ZNF609: variants seen among roughly 807,000 people sequenced by gnomAD.
The protein encoded by ZNF609 is zinc finger protein 609.
Under a neutral mutation model 109.5 loss-of-function variants are expected in ZNF609, and 11 were observed. That is an observed-to-expected ratio of 0.10 (90% CI 0.06 to 0.17). The LOEUF (loss-of-function observed/expected upper bound fraction) is 0.17. Among genes scored for constraint, ZNF609 ranks in the 10% least tolerant of loss-of-function variants. The pLI, the probability that ZNF609 is intolerant of heterozygous loss-of-function variation, is 1.00. For missense variants in ZNF609, 1,559 were observed against 1,772.4 expected, an observed-to-expected ratio of 0.88 and a Z score of 2.16; for synonymous variants, 646 against 662.0, an observed-to-expected ratio of 0.98 and a Z score of 0.37.
chr15:64,484,072 T>C (rs531195815), intron 1 of ZNF609, among the ~76,000 whole-genome samples: 1 of 149,966 alleles, frequency 6.7e-6, no homozygotes, highest in East Asian at 2.0e-4. Context: ...TTTGTCCTGG[T>C]GACATTGCCT....
chr15:64,681,201 TG>T, intron 8 of ZNF609, 107 bp from the exon 9 acceptor site: 1 of 941,918 alleles, frequency 1.1e-6, no homozygotes, highest in Non-Finnish European at 1.7e-6. Flanking sequence ...CAAATATATC[TG>T]GCTGAGTATC....
At chr15:64,631,742 C>G (rs940172345) in intron 3 of ZNF609, 2 of 225,126 alleles carry the variant, frequency 8.9e-6, no homozygotes, top group African/African-American at 4.8e-5. Flanking sequence ...CGGGGTTTCT[C>G]CATGTTGGTC....
intron 3 of ZNF609, among the ~76,000 whole-genome samples, chr15:64,630,019 T>A (rs1896039406): frequency 6.6e-6 from 1 of 152,060 alleles, no homozygotes; most frequent in East Asian, 1.9e-4. Context: ...TCATCATTTT[T>A]TACCAAAAAT....
At chr15:64,546,623 C>T (rs553618331) in intron 2 of ZNF609, among the ~76,000 whole-genome samples, 1 of 151,806 alleles carries the variant, frequency 6.6e-6, no homozygotes, top group East Asian at 1.9e-4. Flanking sequence ...CAGGTGCATG[C>T]CACTATGCCC....
chr15:64,606,870 G>A (rs1022473758), intron 2 of ZNF609, among the ~76,000 whole-genome samples: 6 of 151,748 alleles, frequency 4.0e-5, no homozygotes, highest in Non-Finnish European at 5.9e-5. Flanking sequence ...TGGGCTGGGC[G>A]TGGTGGCTCA....
rs1896421165 is a variant in ZNF609, at chr15:64,651,876, T to G, written c.974-18470T>G. Reference sequence around the variant, plus strand: ...TCCCCTCTTGGGAAGGAAGTAGAGCTGTTTTGTTTCTATTCACGTGTTATG... The same window carrying G: ...TCCCCTCTTGGGAAGGAAGTAGAGCGGTTTTGTTTCTATTCACGTGTTATG... On this transcript the variant is annotated intron_variant, in intron 3 of 9. Transcript: ENST00000326648. Among the ~76,000 whole-genome samples the G allele has an allele frequency of 3.9e-5, 6 of 152,320 alleles. No individual in the cohort carries two copies. The South Asian group carries it at 6.2e-4, about 16-fold the overall frequency.
chr15:64,557,899 T>G (rs1438848829), intron 2 of ZNF609, among the ~76,000 whole-genome samples: 1 of 152,044 alleles, frequency 6.6e-6, no homozygotes, highest in Non-Finnish European at 1.5e-5. Flanking sequence ...GGTTTTACTG[T>G]GGTCTCGATC....
intron 1 of ZNF609, among the ~76,000 whole-genome samples, chr15:64,496,767 A>G (rs1893487847): frequency 6.6e-6 from 1 of 152,004 alleles, no homozygotes; most frequent in African/African-American, 2.4e-5. Flanking sequence ...ACAGGTTACT[A>G]ATTTCTTCAG....
intron 2 of ZNF609, among the ~76,000 whole-genome samples, chr15:64,548,838 T>C (rs1333441908): frequency 6.6e-6 from 1 of 152,194 alleles, no homozygotes; most frequent in Non-Finnish European, 1.5e-5. Flanking sequence ...TTGTTCTGCA[T>C]ATATGTCAAA....
chr15:64,560,262 G>A (rs1894654939), intron 2 of ZNF609, among the ~76,000 whole-genome samples: 1 of 151,816 alleles, frequency 6.6e-6, no homozygotes, highest in Non-Finnish European at 1.5e-5. Context: ...TGGCCTGGAT[G>A]GTCTTGATCT....
intron 3 of ZNF609, among the ~76,000 whole-genome samples, chr15:64,650,370 T>A (rs1427632098): frequency 1.4e-5 from 2 of 144,888 alleles, no homozygotes; most frequent in African/African-American, 5.2e-5. Context: ...TGAGCCAAGA[T>A]CTCACCACTG....
intron 2 of ZNF609, among the ~76,000 whole-genome samples, chr15:64,599,351 G>A (rs2140946271): frequency 6.6e-6 from 1 of 151,984 alleles, no homozygotes; most frequent in Admixed American, 6.5e-5. Context: ...AAGCTCCAAA[G>A]ACTGAGATGT....
chr15:64,472,725 C>T (rs781208026), intron 1 of ZNF609, among the ~76,000 whole-genome samples: 3 of 152,106 alleles, frequency 2.0e-5, no homozygotes, highest in Non-Finnish European at 1.5e-5. Context: ...GCCATGGTGG[C>T]ACACTCCTGT....
intron 2 of ZNF609, among the ~76,000 whole-genome samples, chr15:64,542,997 TG>T (rs1052187581): frequency 6.6e-6 from 1 of 150,878 alleles, no homozygotes; most frequent in Non-Finnish European, 1.5e-5. Flanking sequence ...TGTCAGCGGG[TG>T]GGGGGCAAGG....
chr15:64,531,847 A>G (rs189200736), intron 2 of ZNF609, among the ~76,000 whole-genome samples: 231 of 152,294 alleles, frequency 1.5e-3, no homozygotes, highest in Non-Finnish European at 2.6e-3. Context: ...CTCTCTTTCT[A>G]ACCTATGTCC....
In ZNF609 at chr15:64,675,041, G is replaced by C; in HGVS notation, c.2187G>C (p.Lys729Asn). 1.2e-6 allele frequency: 2 copies of C among 1,613,686 alleles called. No homozygotes were observed. The highest frequency in any genetic ancestry group is 1.7e-6 in the Non-Finnish European group (2 of 1,179,920). Reference protein sequence around the residue: ...PALTPAKDKKKKDKKKKESSK... With the variant: ...PALTPAKDKKNKDKKKKESSK... ...TGACTCCAGCCAAGGACAAGAAAAA[G>C]AAAGACAAAAAAAAGAAGGAATCTT... The change falls in exon 5 of 10, where the codon AAG (lysine) becomes AAC (asparagine). Residue 729 changes from lysine (K) to asparagine (N), a missense_variant. Lys to Asn is a moderately conservative substitution (Grantham distance 94). This residue lies in a region of ZNF609 where 1,204 missense variants were observed against 1,314.1 expected (regional missense o/e 0.92). Transcript: ENST00000326648.
rs145054265 is a variant in ZNF609 at position 64,547,270 on chromosome 15, G to T, written c.747+47104G>T. On this transcript the variant is annotated intron_variant, in intron 2 of 9. Coordinates refer to ENST00000326648, the MANE Select transcript of ZNF609 (RefSeq NM_015042.2). ...CCTAGGCTTTTTGGAGATAGTCATG[G>T]TGTTAATATTGGACTTACTCAACTT... is the stretch of plus-strand genomic sequence containing the variant. Among the ~76,000 whole-genome samples, 318 of 152,202 alleles carry T rather than the reference G, an allele frequency of 2.1e-3. 2 individuals are homozygous for T. Among genetic ancestry groups the T allele is most frequent in the African/African-American group, 7.2e-3 (299 of 41,536 alleles).
At chr15:64,513,730 A>G (rs1483024868) in intron 2 of ZNF609, among the ~76,000 whole-genome samples, 6 of 152,218 alleles carry the variant, frequency 3.9e-5, no homozygotes, top group Non-Finnish European at 8.8e-5. Flanking sequence ...TGTAAATACT[A>G]GAATCACCCT....
At chr15:64,485,542 C>A (rs1893319647) in intron 1 of ZNF609, among the ~76,000 whole-genome samples, 1 of 152,106 alleles carries the variant, frequency 6.6e-6, no homozygotes, top group African/African-American at 2.4e-5. Flanking sequence ...GTGGCTCATG[C>A]CTATAACCCC....
Sources: gnomAD v4.1 joint callset for allele counts (sites outside exome capture counted in the v4.1 genomes callset) on GRCh38, gnomAD v4.1.1 for gene constraint, gnomAD v4.1.1 regional missense constraint, MANE v1.5 for transcripts, NCBI Gene and HGNC (gene_info 2026-07-23, HGNC 2026-07-21) for gene names.